Variants in ZFPM1 observed in about 807,000 individuals in gnomAD.
The protein encoded by ZFPM1 is zinc finger protein ZFPM1.
A neutral mutation model predicts 46.3 loss-of-function variants in ZFPM1; 28 were observed. The observed-to-expected ratio is 0.60, with a 90% CI of 0.45 to 0.83. ZFPM1 has a LOEUF of 0.83. Ranked by LOEUF, ZFPM1 falls within the 40% of genes least tolerant of loss-of-function variation. The pLI, the probability that ZFPM1 is intolerant of heterozygous loss-of-function variation, is 0.00. For missense variants in ZFPM1, 1,878 were observed against 1,432.4 expected, an observed-to-expected ratio of 1.31 and a Z score of -5.02; for synonymous variants, 957 against 675.9, an observed-to-expected ratio of 1.42 and a Z score of -6.45.
At chr16:88,465,648 G>T (rs1250596826) in intron 1 of ZFPM1, among the ~76,000 whole-genome samples, 1 of 152,238 alleles carries the variant, frequency 6.6e-6, no homozygotes, top group Non-Finnish European at 1.5e-5. Context: ...CAGCTGGGGA[G>T]GGGGAGGGGC....
At chr16:88,452,148 G>A (rs896058557), upstream of ZFPM1, among the ~76,000 whole-genome samples, 2 of 152,212 alleles carry the variant, frequency 1.3e-5, no homozygotes, top group African/African-American at 2.4e-5. Flanking sequence ...TGGGGGAGCA[G>A]GTAGCAAGTG....
At chr16:88,501,608 T>A (rs1910329584) in intron 3 of ZFPM1, among the ~76,000 whole-genome samples, 1 of 128,536 alleles carries the variant, frequency 7.8e-6, no homozygotes, top group East Asian at 2.6e-4. Context: ...CCGCAGGTAC[T>A]GGTGATGATG....
At chr16:88,460,466 G>T (rs1234405742) in intron 1 of ZFPM1, among the ~76,000 whole-genome samples, 1 of 152,212 alleles carries the variant, frequency 6.6e-6, no homozygotes, top group African/African-American at 2.4e-5. Context: ...TTTCAGATGA[G>T]GATGAAAAGG....
At position 88,534,104 on chromosome 16, in the gene ZFPM1, C is replaced by A; in HGVS notation, c.2146C>A (p.Arg716=). 1 of 1,171,262 alleles carries A rather than the reference C, an allele frequency of 8.5e-7. No individual in the cohort carries two copies. The allele number at this position is 1,171,262 out of a possible 1,614,324, so 72.6% of individuals were successfully genotyped here. Residue 716 remains arginine (R), a synonymous_variant, in exon 10 of 10, where the codon CGA becomes AGA. Transcript: ENST00000319555. ...CTCGCGCCACGACCCGCCGCCGCGC[C>A]GACCGGCCGCGCCCCCGGGACCCCC... ...CASRHDPPPR[R]PAAPPGPPGP...
chr16:88,516,351 G>C (rs1251354571), intron 4 of ZFPM1: 1 of 397,772 alleles, frequency 2.5e-6, no homozygotes, highest in Non-Finnish European at 4.4e-6. Context: ...TCTGGCCTAG[G>C]GCACAGGCCA....
At position 88,520,976 on chromosome 16, in the gene ZFPM1, ATGGATGGATGGATGGGAGGGTGGGTGGG is replaced by A. The variant is rs1597275420; in HGVS notation, c.403-5827_403-5800del. 7.6e-5 allele frequency among the ~76,000 whole-genome samples: 8 copies of A among 104,870 alleles called. No individual in the cohort carries two copies. The South Asian group carries it at 2.9e-3, about 37-fold the overall frequency. The allele number at this position is 104,870 out of a possible 152,430, so 68.8% of individuals were successfully genotyped here. On this transcript the variant is annotated intron_variant, in intron 4 of 9. Coordinates refer to ENST00000319555, the MANE Select transcript of ZFPM1 (RefSeq NM_153813.3). ...GGGTGGATGATGGACAGGTGGGTGG[ATGGATGGATGGATGGGAGGGTGGGTGGG>A]TGGATGGATGATTATGTAGGTGGGT...
chr16:88,515,409 C>G (rs1278580388), intron 4 of ZFPM1, among the ~76,000 whole-genome samples: 1 of 152,252 alleles, frequency 6.6e-6, no homozygotes, highest in Non-Finnish European at 1.5e-5. Context: ...CAGGCCCCTG[C>G]CCACTGTGAG....
chr16:88,525,814 G>A (rs2142470673), intron 4 of ZFPM1, among the ~76,000 whole-genome samples: 1 of 152,336 alleles, frequency 6.6e-6, no homozygotes, highest in African/African-American at 2.4e-5. Context: ...ACTGGGATGG[G>A]GCCCCTCGCA....
intron 5 of ZFPM1, among the ~76,000 whole-genome samples, chr16:88,527,598 C>T (rs1218296491): frequency 2.6e-5 from 4 of 152,030 alleles, no homozygotes; most frequent in Admixed American, 6.6e-5. Flanking sequence ...AAGCCGGCCC[C>T]GCGCAGCCTG....
At chr16:88,517,566 G>A (rs1911424572) in intron 4 of ZFPM1, among the ~76,000 whole-genome samples, 1 of 151,758 alleles carries the variant, frequency 6.6e-6, no homozygotes, top group South Asian at 2.1e-4. Flanking sequence ...GTGAAGGAGG[G>A]GTGGATAGAC....
intron 3 of ZFPM1, among the ~76,000 whole-genome samples, chr16:88,500,770 G>T (rs780223974): frequency 6.6e-6 from 1 of 152,222 alleles, no homozygotes; most frequent in Admixed American, 6.5e-5. Context: ...GGCTCCCTGG[G>T]GCTGCTGGGG....
chr16:88,514,764 T>C (rs1036116154), intron 4 of ZFPM1, among the ~76,000 whole-genome samples: 3 of 152,148 alleles, frequency 2.0e-5, no homozygotes, highest in African/African-American at 7.2e-5. Flanking sequence ...AGGGGTTCTT[T>C]AAGCAGGACC....
At chr16:88,473,981 G>A (rs1344125569) in intron 1 of ZFPM1, among the ~76,000 whole-genome samples, 1 of 152,120 alleles carries the variant, frequency 6.6e-6, no homozygotes, top group Non-Finnish European at 1.5e-5. Context: ...GTGGCTATCA[G>A]GCCCATCGGA....
intron 3 of ZFPM1, among the ~76,000 whole-genome samples, chr16:88,512,436 G>A (rs1169715112): frequency 6.6e-6 from 1 of 152,168 alleles, no homozygotes; most frequent in South Asian, 2.1e-4. Flanking sequence ...TGGAACCCGA[G>A]GGGAAGGCAT....
chr16:88,501,638 C>T (rs1910334756), intron 3 of ZFPM1, among the ~76,000 whole-genome samples: 2 of 115,350 alleles, frequency 1.7e-5, no homozygotes, highest in African/African-American at 3.3e-5. Flanking sequence ...GGCCTGGGTG[C>T]GTGGGCCATC....
rs766859952 is a variant in ZFPM1, at chr16:88,485,920, C to T, written c.41-19C>T. On this transcript the variant is annotated intron_variant, in intron 1 of 9. Transcript: ENST00000319555. ...CCCCCCAGAGCTCCTCCCGAACCCC[C>T]ATCGTCTTGTGTCCACAGGTTCCCT... The T allele has an allele frequency of 2.0e-5, 32 of 1,611,702 alleles. No individual in the cohort carries two copies. The African/African-American group carries it at 3.1e-4, about 15-fold the overall frequency.
At chr16:88,528,635 T>C (rs568081277) in intron 6 of ZFPM1, among the ~76,000 whole-genome samples, 15 of 152,300 alleles carry the variant, frequency 9.8e-5, no homozygotes, top group African/African-American at 3.4e-4. Context: ...GAGGTGTCCC[T>C]GGACACCACG....
intron 4 of ZFPM1, among the ~76,000 whole-genome samples, chr16:88,523,119 T>C (rs183494006): frequency 2.8e-4 from 42 of 151,522 alleles, no homozygotes; most frequent in South Asian, 1.0e-3. Flanking sequence ...GGCAGGAGAA[T>C]TGCTTGAACC....
At chr16:88,522,773 G>T (rs1191553249) in intron 4 of ZFPM1, among the ~76,000 whole-genome samples, 1 of 152,200 alleles carries the variant, frequency 6.6e-6, no homozygotes, top group African/African-American at 2.4e-5. Context: ...GTGGGCTCTA[G>T]CGTCCTCCGT....
Sources: allele counts gnomAD v4.1 joint callset (sites outside exome capture counted in the v4.1 genomes callset), GRCh38; gene constraint gnomAD v4.1.1; transcripts MANE v1.5; gene names NCBI Gene and HGNC (gene_info 2026-07-23, HGNC 2026-07-21).